The following ATP2B2 variants were observed in gnomAD, a reference collection of about 807,000 sequenced individuals.
The protein encoded by ATP2B2 is plasma membrane calcium-transporting ATPase 2.
Under a neutral mutation model 120.0 loss-of-function variants are expected in ATP2B2, and 15 were observed. That is an observed-to-expected ratio of 0.12 (90% CI 0.08 to 0.19). The LOEUF is 0.19. ATP2B2 is among the 10% of genes least tolerant of loss of function. The probability of loss-of-function intolerance (pLI) is 1.00; values close to 1 mark genes in which losing one functional copy is unlikely to be tolerated. For synonymous variants in ATP2B2, 694 were observed against 700.3 expected (o/e 0.99, Z 0.14); for missense variants, 1,045 against 1,719.8 (o/e 0.61, Z 6.94).
At chr3:10,449,215 T>A (rs2063944785) in intron 2 of ATP2B2, 130 bp downstream of exon 2, 2 of 1,038,284 alleles carry the variant, frequency 1.9e-6, no homozygotes, top group South Asian at 3.0e-5. Flanking sequence ...TGCACTACAA[T>A]GGCCATTCTG....
chr3:10,566,294 T>G (rs9882451), intron 2 of ATP2B2: 13,044 of 152,312 alleles, frequency 0.086, 889 homozygotes, highest in African/African-American at 0.19. Context: ...AGGTCCTAGC[T>G]AATTAGGAGG....
chr3:10,452,831 A>G (rs2064111035), intron 1 of ATP2B2, among the ~76,000 whole-genome samples: 1 of 152,200 alleles, frequency 6.6e-6, no homozygotes, highest in Admixed American at 6.5e-5. Context: ...CTTGGGACTG[A>G]CCTGGAGCCC....
At chr3:10,358,606 G>A (rs930735592) in intron 14 of ATP2B2, 85 bp downstream of exon 14, 97 of 1,280,824 alleles carry the variant, frequency 7.6e-5, no homozygotes, top group Non-Finnish European at 1.0e-4. Flanking sequence ...ACTCAAAGAG[G>A]TGAAGTGACT....
intron 11 of ATP2B2, among the ~76,000 whole-genome samples, chr3:10,373,811 C>T (rs1016852520): frequency 4.6e-5 from 7 of 152,130 alleles, no homozygotes; most frequent in African/African-American, 1.7e-4. Flanking sequence ...CGGGCTCAAG[C>T]GATCCTCTTG....
chr3:10,463,458 G>A (rs774444747), intron 1 of ATP2B2, among the ~76,000 whole-genome samples: 5 of 152,228 alleles, frequency 3.3e-5, no homozygotes, highest in Non-Finnish European at 7.3e-5. Flanking sequence ...GGCCGGACAC[G>A]TGCCACACTT....
intron 12 of ATP2B2, among the ~76,000 whole-genome samples, chr3:10,360,428 C>T (rs1388098851): frequency 1.3e-5 from 2 of 152,210 alleles, no homozygotes; most frequent in African/African-American, 4.8e-5. Context: ...AGCATCTTAA[C>T]ATTATGCCGT....
rs1459287444 is a variant in ATP2B2 at position 10,372,036 on chromosome 3, T to G, written c.1432A>C (p.Asn478His). ...GCATCCAGGTGGCGTACCAGGTTGT[T>G]GTCCTTCATCATTTTCTGGGAGAAG... ...AYSVKKMMKD[N>H]NLVRHLDACE... The change falls in exon 12 of 23, where the codon AAC (asparagine) becomes CAC (histidine). Residue 478 changes from asparagine (N) to histidine (H), a missense_variant. By Grantham distance (68) the Asn-to-His change is moderately conservative (BLOSUM62 1). This residue lies in a region of ATP2B2 where 343 missense variants were observed against 536.8 expected (regional missense o/e 0.64). Transcript: ENST00000360273. The G allele has an allele frequency of 6.2e-7, 1 of 1,614,194 alleles. No homozygotes were observed. Among genetic ancestry groups the G allele is most frequent in the Non-Finnish European group, 8.5e-7 (1 of 1,180,036 alleles).
intron 2 of ATP2B2, among the ~76,000 whole-genome samples, chr3:10,564,264 T>G (rs1426837003): frequency 6.6e-6 from 1 of 152,208 alleles, no homozygotes; most frequent in Non-Finnish European, 1.5e-5. Context: ...GGCTGTCCTA[T>G]TTGGCTTCAG....
intron 1 of ATP2B2, among the ~76,000 whole-genome samples, chr3:10,646,158 T>C (rs544872153): frequency 5.9e-5 from 9 of 152,326 alleles, no homozygotes; most frequent in African/African-American, 1.9e-4. Context: ...GTACAAATTG[T>C]CTATTTGGGC....
rs192320577 is a variant in ATP2B2, at chr3:10,635,151, T to A, written c.-459-15190A>T. On this transcript the variant is annotated intron_variant, in intron 1 of 21. Coordinates refer to the ATP2B2 transcript ENST00000646379. This position sits in a 1 kb window ranked among gnomAD's most constrained non-coding sequence, Gnocchi z 4.3. Reference sequence around the variant, plus strand: ...AGGTACTGTGAGGATATGGAAAGTGTCACTACTCAGCTCAAGGTTGCCTGA... The same window carrying A: ...AGGTACTGTGAGGATATGGAAAGTGACACTACTCAGCTCAAGGTTGCCTGA... Among the ~76,000 whole-genome samples the A allele has an allele frequency of 2.0e-5, 3 of 152,094 alleles. No individual in the cohort carries two copies. In the East Asian group the frequency reaches 5.8e-4, roughly 29 times the overall value.
chr3:10,431,895 G>A (rs889610925), intron 2 of ATP2B2, among the ~76,000 whole-genome samples: 2 of 152,162 alleles, frequency 1.3e-5, no homozygotes, highest in Admixed American at 1.3e-4. Context: ...GGCATCTACT[G>A]GAGGCAATTC....
intron 2 of ATP2B2, among the ~76,000 whole-genome samples, chr3:10,581,467 G>T (rs1046578062): frequency 6.6e-6 from 1 of 152,162 alleles, no homozygotes; most frequent in Admixed American, 6.5e-5. Flanking sequence ...CGAGCCAGCC[G>T]GGGAGCGCTG....
intron 3 of ATP2B2, among the ~76,000 whole-genome samples, chr3:10,521,650 G>A (rs2066987715): frequency 6.6e-6 from 1 of 152,254 alleles, no homozygotes; most frequent in South Asian, 2.1e-4. Context: ...ACTCTTTAGA[G>A]ATATATACAC....
chr3:10,333,724 C>A (rs1158234074), intron 22 of ATP2B2, among the ~76,000 whole-genome samples: 1 of 152,142 alleles, frequency 6.6e-6, no homozygotes, highest in Non-Finnish European at 1.5e-5. Context: ...GCGAGATTCT[C>A]CAGGAGGCAT....
chr3:10,379,213 G>A (rs775026948), intron 9 of ATP2B2, 30 bp downstream of exon 9: 17 of 1,611,358 alleles, frequency 1.1e-5, no homozygotes, highest in South Asian at 6.6e-5. Context: ...CCTCAGGGAC[G>A]ACAAACGCCG....
intron 10 of ATP2B2, among the ~76,000 whole-genome samples, chr3:10,377,948 G>T (rs541199091): frequency 6.6e-6 from 1 of 152,356 alleles, no homozygotes; most frequent in Non-Finnish European, 1.5e-5. Flanking sequence ...TGAGGATACA[G>T]AGGCTCAGAG....
At chr3:10,625,848 A>C (rs1307451817) in intron 1 of ATP2B2, among the ~76,000 whole-genome samples, 3 of 152,222 alleles carry the variant, frequency 2.0e-5, no homozygotes, top group African/African-American at 7.2e-5. Flanking sequence ...CGCTTGCTAA[A>C]TTCTCTCTTA....
chr3:10,378,878 C>T (rs562214879), intron 9 of ATP2B2, among the ~76,000 whole-genome samples: 1 of 152,326 alleles, frequency 6.6e-6, no homozygotes, highest in Admixed American at 6.5e-5. Context: ...AAGTCACTAT[C>T]CCAGTTGGCG....
At chr3:10,490,886 T>A (rs1431664476) in intron 1 of ATP2B2, among the ~76,000 whole-genome samples, 1 of 152,220 alleles carries the variant, frequency 6.6e-6, no homozygotes, top group Non-Finnish European at 1.5e-5. Context: ...TGTTGATATT[T>A]AAAAATATCT....
Sources: gnomAD v4.1 joint callset for allele counts (sites outside exome capture counted in the v4.1 genomes callset) on GRCh38, gnomAD v4.1.1 for gene constraint, gnomAD v4.1.1 regional missense constraint, Gnocchi (gnomAD v3.1) non-coding constraint, MANE v1.5 for transcripts, NCBI Gene and HGNC (gene_info 2026-07-23, HGNC 2026-07-21) for gene names.